CAMTA1: variants seen among roughly 807,000 people sequenced by gnomAD.
CAMTA1 encodes calmodulin binding transcription activator 1.
In CAMTA1, 27 loss-of-function variants were observed where a neutral mutation model predicts 170.9. The ratio of observed to expected loss-of-function variants is 0.16; its 90% CI spans 0.12 to 0.22. The LOEUF is 0.22. Among genes scored for constraint, CAMTA1 ranks in the 10% least tolerant of loss-of-function variants. The pLI is 1.00. For missense variants in CAMTA1, 1,619 were observed against 2,217.2 expected, an observed-to-expected ratio of 0.73 and a Z score of 5.42; for synonymous variants, 833 against 891.5, an observed-to-expected ratio of 0.93 and a Z score of 1.17.
intron 3 of CAMTA1, among the ~76,000 whole-genome samples, chr1:6,858,649 A>C (rs1243288637): frequency 1.3e-5 from 2 of 152,142 alleles, no homozygotes; most frequent in Non-Finnish European, 2.9e-5. Flanking sequence ...GGTCTCTGCT[A>C]AGTTTAGCCT....
At chr1:7,335,002 T>C (rs1006421786) in intron 5 of CAMTA1, among the ~76,000 whole-genome samples, 1 of 152,110 alleles carries the variant, frequency 6.6e-6, no homozygotes, top group African/African-American at 2.4e-5. Flanking sequence ...TTGCTGAAGC[T>C]CATACAGATC....
intron 3 of CAMTA1, among the ~76,000 whole-genome samples, chr1:6,841,350 G>A (rs1382493917): frequency 6.6e-6 from 1 of 152,202 alleles, no homozygotes; most frequent in Non-Finnish European, 1.5e-5. Flanking sequence ...ATTAGGGTGT[G>A]TATATCTTTG....
At chr1:7,055,555 C>T (rs1001483929) in intron 3 of CAMTA1, among the ~76,000 whole-genome samples, 1 of 152,236 alleles carries the variant, frequency 6.6e-6, no homozygotes, top group African/African-American at 2.4e-5. Context: ...TTATTGATTT[C>T]ATCAGCAAGC....
chr1:6,853,614 C>T (rs1661214887), intron 3 of CAMTA1, among the ~76,000 whole-genome samples: 2 of 151,862 alleles, frequency 1.3e-5, no homozygotes, highest in Non-Finnish European at 2.9e-5. Context: ...TAAAAATGAA[C>T]CAAAATTTCT....
chr1:7,270,228 T>TACAC (rs1233810260), intron 5 of CAMTA1, among the ~76,000 whole-genome samples: 84 of 87,210 alleles, frequency 9.6e-4, no homozygotes, highest in Non-Finnish European at 1.2e-3. Context: ...TATACATATA[T>TACAC]ATACACATAT....
intron 4 of CAMTA1, among the ~76,000 whole-genome samples, chr1:7,108,188 C>T (rs1028323303): frequency 6.6e-5 from 10 of 152,034 alleles, no homozygotes; most frequent in South Asian, 4.2e-4. Context: ...TAATTCCTAC[C>T]GAAGCGCTTG....
chr1:7,118,535 G>T (rs999041713), intron 4 of CAMTA1, among the ~76,000 whole-genome samples: 10 of 151,918 alleles, frequency 6.6e-5, no homozygotes, highest in Admixed American at 2.6e-4. Flanking sequence ...ACAAGAGTGG[G>T]ATGGCTGTTG....
chr1:6,871,965 T>C (rs1474174652), intron 3 of CAMTA1: 1 of 1,260,394 alleles, frequency 7.9e-7, no homozygotes, highest in Non-Finnish European at 1.0e-6. Flanking sequence ...AGTGATAAAT[T>C]TGCAAAATGC....
Position 7,064,758 on chromosome 1 carries a change from G to A in CAMTA1, c.235-26546G>A, listed in dbSNP as rs1708748629. ...TACTGGAGGGTGGGGGAGGTGGCAG[G>A]AGTCCCATTCGGGGCATGGTGGGGG... On this transcript the variant is annotated intron_variant, in intron 3 of 22. Transcript: ENST00000303635. This position sits in a 1 kb window ranked among gnomAD's most constrained non-coding sequence, Gnocchi z 5.4. Among the ~76,000 whole-genome samples the A allele has an allele frequency of 6.6e-6, 1 of 152,072 alleles. No individual in the cohort carries two copies. Among genetic ancestry groups the A allele is most frequent in the Non-Finnish European group, 1.5e-5 (1 of 68,012 alleles).
At chr1:7,593,733 C>T (rs1049927765) in intron 6 of CAMTA1, among the ~76,000 whole-genome samples, 8 of 150,348 alleles carry the variant, frequency 5.3e-5, no homozygotes, top group African/African-American at 1.7e-4. Flanking sequence ...TCCAGTGATC[C>T]ACCCGCCTTG....
At chr1:7,192,079 C>T (rs1042234705) in intron 4 of CAMTA1, among the ~76,000 whole-genome samples, 6 of 152,192 alleles carry the variant, frequency 3.9e-5, no homozygotes, top group Admixed American at 3.3e-4. Flanking sequence ...CTATTGGACA[C>T]ATCTGAGATG....
chr1:7,559,870 C>A (rs191945216), intron 6 of CAMTA1, among the ~76,000 whole-genome samples: 102 of 152,306 alleles, frequency 6.7e-4, no homozygotes, highest in Non-Finnish European at 1.2e-3. Context: ...GGCCTGACTG[C>A]AGGAGAATTC....
At chr1:7,322,199 G>A (rs1678532256) in intron 5 of CAMTA1, among the ~76,000 whole-genome samples, 1 of 152,192 alleles carries the variant, frequency 6.6e-6, no homozygotes, top group African/African-American at 2.4e-5. Flanking sequence ...AACCTGCTTT[G>A]CATCTCTGCT....
chr1:7,453,873 C>T (rs528463196), intron 5 of CAMTA1, among the ~76,000 whole-genome samples: 4 of 152,352 alleles, frequency 2.6e-5, no homozygotes, highest in Non-Finnish European at 4.4e-5. Flanking sequence ...TGCTGGGACC[C>T]GGCCCCCCGC....
chr1:7,220,162 AGCGCTGCGTG>A (rs1421148897), intron 4 of CAMTA1, among the ~76,000 whole-genome samples: 2 of 152,242 alleles, frequency 1.3e-5, no homozygotes, highest in Admixed American at 1.3e-4. Flanking sequence ...AGTCAGATTC[AGCGCTGCGTG>A]GCTTAGGGAA....
At chr1:7,292,096 T>G (rs187215446) in intron 5 of CAMTA1, among the ~76,000 whole-genome samples, 1 of 152,222 alleles carries the variant, frequency 6.6e-6, no homozygotes, top group Non-Finnish European at 1.5e-5. Context: ...AAAAATCCAT[T>G]TATAGAAACC....
chr1:7,199,270 T>A (rs1370861047), intron 4 of CAMTA1, among the ~76,000 whole-genome samples: 1 of 152,182 alleles, frequency 6.6e-6, no homozygotes, highest in Admixed American at 6.5e-5. Context: ...CATGTCTGAC[T>A]GTGGGAAGCA....
chr1:6,890,083 A>T lies in CAMTA1; in HGVS notation c.234+64873A>T, dbSNP rs148066600. On this transcript the variant is annotated intron_variant, in intron 3 of 22. Transcript: ENST00000303635. ...GTTAGTGCCCTCTGGTGGCACACAG[A>T]GGACGTCAGGCAGAGAGGGACTCTG... is the stretch of plus-strand genomic sequence containing the variant. Among the ~76,000 whole-genome samples, 5 of 152,330 alleles carry T rather than the reference A, an allele frequency of 3.3e-5. 1 individual carries two copies. The highest frequency in any genetic ancestry group is 1.2e-4 in the African/African-American group (5 of 41,572).
At chr1:6,854,302 A>G (rs1437238868) in intron 3 of CAMTA1, among the ~76,000 whole-genome samples, 1 of 152,250 alleles carries the variant, frequency 6.6e-6, no homozygotes, top group Non-Finnish European at 1.5e-5. Flanking sequence ...AATATTCAGT[A>G]CAATAATACG....
Sources: gnomAD v4.1 joint callset for allele counts (sites outside exome capture counted in the v4.1 genomes callset) on GRCh38, gnomAD v4.1.1 for gene constraint, Gnocchi (gnomAD v3.1) non-coding constraint, MANE v1.5 for transcripts, NCBI Gene and HGNC (gene_info 2026-07-23, HGNC 2026-07-21) for gene names.